Variants in MANBA observed in about 807,000 individuals in gnomAD.
MANBA encodes beta-mannosidase.
Under a neutral mutation model 111.1 loss-of-function variants are expected in MANBA, and 83 were observed. The ratio of observed to expected loss-of-function variants is 0.75; its 90% CI spans 0.63 to 0.90. The LOEUF (loss-of-function observed/expected upper bound fraction) is 0.90. Ranked by LOEUF, MANBA falls within the 40% of genes least tolerant of loss-of-function variation. The pLI, the probability that MANBA is intolerant of heterozygous loss-of-function variation, is 0.00. For missense variants in MANBA, 1,036 were observed against 1,069.0 expected (o/e 0.97, Z 0.43); for synonymous variants, 370 against 378.7 (o/e 0.98, Z 0.27).
At chr4:102,719,697 T>C (rs953903317) in intron 4 of MANBA, among the ~76,000 whole-genome samples, 1 of 152,238 alleles carries the variant, frequency 6.6e-6, no homozygotes, top group African/African-American at 2.4e-5. Context: ...ATTTACATTG[T>C]TATTTCACTA....
chr4:102,682,104 G>A (rs1286758473), intron 7 of MANBA, among the ~76,000 whole-genome samples: 19 of 144,350 alleles, frequency 1.3e-4, no homozygotes, highest in Admixed American at 7.9e-4. Context: ...CCGAGATCAC[G>A]CCATTGCACT....
At chr4:102,733,327 T>G (rs1160132866) in intron 1 of MANBA, among the ~76,000 whole-genome samples, 1 of 151,016 alleles carries the variant, frequency 6.6e-6, no homozygotes, top group East Asian at 1.9e-4. Flanking sequence ...CCTGTTCACC[T>G]GAGTAAGGAA....
intron 7 of MANBA, among the ~76,000 whole-genome samples, chr4:102,680,353 T>C (rs997701452): frequency 2.6e-5 from 4 of 152,204 alleles, no homozygotes; most frequent in African/African-American, 9.6e-5. Flanking sequence ...AAAAAGATAA[T>C]TCCAGAGAGA....
intron 5 of MANBA, among the ~76,000 whole-genome samples, chr4:102,710,196 A>G (rs1721996092): frequency 6.6e-6 from 1 of 152,146 alleles, no homozygotes. Context: ...AAAGGTACCA[A>G]ATTGGAAAAG....
At chr4:102,659,013 C>A (rs1190863775) in intron 11 of MANBA, 1 of 152,126 alleles carries the variant, frequency 6.6e-6, no homozygotes, top group Non-Finnish European at 1.5e-5. Flanking sequence ...TCTATTGTGT[C>A]TGGCATTTTT....
chr4:102,729,847 C>A (rs764962920), intron 1 of MANBA: 94 of 1,403,822 alleles, frequency 6.7e-5, no homozygotes, highest in Non-Finnish European at 9.1e-5. Context: ...AGGAACCATA[C>A]CTTGTCTATG....
chr4:102,675,766 AC>A (rs1731697701), intron 7 of MANBA, among the ~76,000 whole-genome samples: 1 of 152,202 alleles, frequency 6.6e-6, no homozygotes, highest in Non-Finnish European at 1.5e-5. Flanking sequence ...TAGAAGGCTT[AC>A]CTTCTCACCA....
rs112727343 is a variant in MANBA at position 102,724,599 on chromosome 4, A to C, written c.273-632T>G. On this transcript the variant is annotated intron_variant, in intron 2 of 16. Coordinates refer to ENST00000647097, the MANE Select transcript of MANBA (RefSeq NM_005908.4). ...AATAATAGACATAAAATGTTCTCAC[A>C]AACTACATTTACTGACCCTGTCTAA... 9.2e-4 allele frequency among the ~76,000 whole-genome samples: 140 copies of C among 152,284 alleles called. 2 individuals are homozygous for C. Among genetic ancestry groups the C allele is most frequent in the African/African-American group, 3.3e-3 (137 of 41,568 alleles).
intron 13 of MANBA, among the ~76,000 whole-genome samples, chr4:102,648,616 C>A (rs1471315811): frequency 6.6e-6 from 1 of 152,036 alleles, no homozygotes; most frequent in East Asian, 1.9e-4. Context: ...TACAAGGGAT[C>A]TTTTTAGAAT....
chr4:102,692,608 G>A (rs1221543401), intron 5 of MANBA, among the ~76,000 whole-genome samples: 2 of 151,932 alleles, frequency 1.3e-5, no homozygotes, highest in Non-Finnish European at 2.9e-5. Context: ...AAAAAAGCTT[G>A]GAGGTACAGG....
intron 7 of MANBA, among the ~76,000 whole-genome samples, chr4:102,678,736 G>T (rs190294881): frequency 2.1e-4 from 32 of 152,268 alleles, no homozygotes; most frequent in Admixed American, 1.3e-4. Context: ...CTTTAAAAGT[G>T]CAGGATAGTT....
intron 5 of MANBA, 129 bp downstream of exon 5, chr4:102,714,309 A>G: frequency 1.1e-6 from 1 of 938,244 alleles, no homozygotes; most frequent in Non-Finnish European, 1.7e-6. Flanking sequence ...ACTTTTATAA[A>G]TTGATTGTAC....
chr4:102,683,967 G>A (rs1243798722), intron 7 of MANBA, among the ~76,000 whole-genome samples: 3 of 151,868 alleles, frequency 2.0e-5, no homozygotes, highest in Admixed American at 1.3e-4. Flanking sequence ...AAATGTAGTC[G>A]GCCCTTTCCT....
intron 1 of MANBA, among the ~76,000 whole-genome samples, chr4:102,760,150 T>C (rs1304119927): frequency 1.3e-5 from 2 of 152,002 alleles, no homozygotes; most frequent in Non-Finnish European, 2.9e-5. Context: ...ATCACCAAGT[T>C]AGCCTTAAAA....
At chr4:102,728,861 C>T (rs1272207756) in intron 1 of MANBA, 39 of 825,244 alleles carry the variant, frequency 4.7e-5, no homozygotes, top group Non-Finnish European at 6.3e-5. Context: ...GGAGCCCACA[C>T]CAGAGCCAAA....
chr4:102,661,239 A>T (rs1020282847), intron 11 of MANBA, among the ~76,000 whole-genome samples: 2 of 152,202 alleles, frequency 1.3e-5, no homozygotes, highest in Non-Finnish European at 2.9e-5. Context: ...CTTTTACTCG[A>T]AAGCCTTTTT....
At chr4:102,729,646 T>G in intron 1 of MANBA, 1 of 1,355,032 alleles carries the variant, frequency 7.4e-7, no homozygotes, top group Non-Finnish European at 1.1e-6. Flanking sequence ...TACTTGTTCT[T>G]GAAGTCCTCC....
At chr4:102,754,569 T>G (rs1723934979) in intron 1 of MANBA, among the ~76,000 whole-genome samples, 1 of 152,022 alleles carries the variant, frequency 6.6e-6, no homozygotes, top group African/African-American at 2.4e-5. Flanking sequence ...ATTTATTTTT[T>G]TTTTTGAGAT....
In MANBA at chr4:102,632,557, T is replaced by A. The variant is rs531438961; in HGVS notation, c.2416-276A>T. Among the ~76,000 whole-genome samples the A allele has an allele frequency of 2.6e-5, 4 of 152,352 alleles. No individual in the cohort carries two copies. In the East Asian group the frequency reaches 7.7e-4, roughly 29 times the overall value. On this transcript the variant is annotated intron_variant, in intron 16 of 16. Transcript: ENST00000647097. ...TTCACAAGAAGCTCAAAGCTTTACATCTTTTACAGTTTTTCTCAGAGTATC... is the reference window on the plus strand; with the variant it reads ...TTCACAAGAAGCTCAAAGCTTTACAACTTTTACAGTTTTTCTCAGAGTATC...
Sources: gnomAD v4.1 joint callset for allele counts (sites outside exome capture counted in the v4.1 genomes callset) on GRCh38, gnomAD v4.1.1 for gene constraint, MANE v1.5 for transcripts, NCBI Gene and HGNC (gene_info 2026-07-23, HGNC 2026-07-21) for gene names.